NSD1: variants seen among roughly 807,000 people sequenced by gnomAD.
The protein encoded by NSD1 is histone-lysine N-methyltransferase, H3 lysine-36 specific.
Under a neutral mutation model 242.7 loss-of-function variants are expected in NSD1, and 26 were observed. That is an observed-to-expected ratio of 0.11 (90% CI 0.08 to 0.15). NSD1 has a LOEUF of 0.15. NSD1 is among the 10% of genes least tolerant of loss of function. The pLI is 1.00. For synonymous variants in NSD1, 1,106 were observed against 1,178.1 expected (o/e 0.94, Z 1.25); for missense variants, 2,495 against 3,272.8 (o/e 0.76, Z 5.80).
intron 2 of NSD1, among the ~76,000 whole-genome samples, chr5:177,143,783 CTTT>C (rs11300578): frequency 8.3e-4 from 100 of 121,100 alleles, no homozygotes; most frequent in African/African-American, 1.9e-3. Context: ...TACAAGATAA[CTTT>C]TTTTTTTTTT....
intron 5 of NSD1, among the ~76,000 whole-genome samples, chr5:177,224,666 T>C (rs1361474846): frequency 6.6e-6 from 1 of 150,456 alleles, no homozygotes; most frequent in African/African-American, 2.5e-5. Context: ...TTTTCTAATC[T>C]AGTTGCCCTT....
chr5:177,250,506 CTT>C (rs1424791244), intron 11 of NSD1, among the ~76,000 whole-genome samples: 2 of 150,882 alleles, frequency 1.3e-5, no homozygotes, highest in Non-Finnish European at 1.5e-5. Context: ...AATGCAAAAA[CTT>C]TATTTCTAAT....
At chr5:177,213,322 TC>T (rs896923309) in intron 5 of NSD1, among the ~76,000 whole-genome samples, 2 of 152,234 alleles carry the variant, frequency 1.3e-5, no homozygotes, top group African/African-American at 2.4e-5. Flanking sequence ...AGTTATCATA[TC>T]ATAAAATTCA....
intron 5 of NSD1, among the ~76,000 whole-genome samples, chr5:177,218,036 C>T (rs1187533816): frequency 1.3e-5 from 2 of 152,078 alleles, no homozygotes; most frequent in African/African-American, 4.8e-5. Flanking sequence ...CCTTGACCTC[C>T]CAAGTAGCTG....
chr5:177,189,223 G>T (rs1347038003), intron 2 of NSD1, among the ~76,000 whole-genome samples: 1 of 152,108 alleles, frequency 6.6e-6, no homozygotes, highest in African/African-American at 2.4e-5. Context: ...CAATTTTGTG[G>T]CTTAGGAAAC....
At chr5:177,144,337 G>A (rs1416334860) in intron 2 of NSD1, among the ~76,000 whole-genome samples, 1 of 151,480 alleles carries the variant, frequency 6.6e-6, no homozygotes, top group Admixed American at 6.6e-5. Context: ...GCCTTCCAAC[G>A]TATTGGGATT....
At chr5:177,190,105 C>T (rs139544517) in intron 2 of NSD1, among the ~76,000 whole-genome samples, 2 of 151,984 alleles carry the variant, frequency 1.3e-5, no homozygotes, top group Admixed American at 6.6e-5. Flanking sequence ...TACAGGCATG[C>T]ACCACCATGC....
rs758066435 is a variant in NSD1, at chr5:177,252,797, C to CT, written c.4765+960dup. Among the ~76,000 whole-genome samples, 631 of 144,622 alleles carry CT rather than the reference C, an allele frequency of 4.4e-3. 7 individuals are homozygous for CT. The highest frequency in any genetic ancestry group is 0.014 in the African/African-American group (528 of 38,772). The allele number at this position is 144,622 out of a possible 152,430, so 94.9% of individuals were successfully genotyped here. ...AAGTGTTCTCTCGCTCTCTCTCTCC[C>CT]TTTTTTTTTTTTTTTTCTTAGCATG... On this transcript the variant is annotated intron_variant, in intron 12 of 22. Transcript: ENST00000439151.
chr5:177,256,748 A>G (rs1004170101), intron 12 of NSD1, among the ~76,000 whole-genome samples: 4 of 152,154 alleles, frequency 2.6e-5, no homozygotes, highest in Non-Finnish European at 5.9e-5. Flanking sequence ...TCTGTAGACA[A>G]TATGTACTTT....
At chr5:177,245,996 G>A (rs1489124675) in intron 9 of NSD1, among the ~76,000 whole-genome samples, 2 of 147,134 alleles carry the variant, frequency 1.4e-5, no homozygotes, top group Non-Finnish European at 3.0e-5. Flanking sequence ...TTGAGATGGA[G>A]TTTCGCTCTT....
rs1225220481 is a variant in NSD1, at chr5:177,235,926, T to C, written c.3902T>C (p.Val1301Ala). Reference protein sequence around the residue: ...IFAPKKKQKKVQEQVHKVSSR... With the variant: ...IFAPKKKQKKAQEQVHKVSSR... ...GCTCCTAAGAAAAAACAAAAGAAGG[T>C]ACAGGAGCAGGTGCACAAGGTATGT... Residue 1301 changes from valine to alanine, a missense_variant, in exon 6 of 23, where the codon GTA (valine) becomes GCA (alanine). Physicochemically the swap from Val to Ala is moderately conservative, Grantham distance 64. Transcript: ENST00000439151. The C allele has an allele frequency of 2.5e-6, 4 of 1,613,782 alleles. No homozygotes were observed. Among genetic ancestry groups the C allele is most frequent in the Non-Finnish European group, 3.4e-6 (4 of 1,179,872 alleles).
chr5:177,266,310 T>G, intron 14 of NSD1: 1 of 728,450 alleles, frequency 1.4e-6, no homozygotes, highest in South Asian at 1.4e-5. Flanking sequence ...TTGACAATCT[T>G]CACCGCATAA....
rs1760329033 is a variant in NSD1 at position 177,297,572 on chromosome 5, A to G, written c.*2113A>G. On this transcript the variant is annotated 3_prime_UTR_variant, in exon 23 of 23. Coordinates refer to ENST00000439151, the MANE Select transcript of NSD1 (RefSeq NM_022455.5). The stretch of plus-strand genomic sequence containing the variant: ...TCTGTAGTTGTGATCAGAAAAAGGT[A>G]TCTGCACTGCACTGTCAGAGTCTCC... 1 of 215,688 alleles carries G rather than the reference A, an allele frequency of 4.6e-6. No individual in the cohort carries two copies. Among genetic ancestry groups the G allele is most frequent in the Non-Finnish European group, 9.0e-6 (1 of 111,472 alleles). The allele number at this position is 215,688 out of a possible 1,614,324, so 13.4% of individuals were successfully genotyped here.
At chr5:177,273,385 C>G (rs1562284322) in intron 16 of NSD1, among the ~76,000 whole-genome samples, 2 of 147,282 alleles carry the variant, frequency 1.4e-5, no homozygotes, top group Non-Finnish European at 1.5e-5. Context: ...CAAAAAAGTT[C>G]TCGTATTCAG....
chr5:177,206,526 G>GACTTGGGT (rs1190549941), intron 4 of NSD1, among the ~76,000 whole-genome samples: 1 of 152,190 alleles, frequency 6.6e-6, no homozygotes, highest in Non-Finnish European at 1.5e-5. Context: ...AGTTCTCAAA[G>GACTTGGGT]ACTTGGTGTC....
chr5:177,290,124 G>A lies in NSD1; in HGVS notation c.6258+1199G>A, dbSNP rs142995014. On this transcript the variant is annotated intron_variant, in intron 21 of 22. Coordinates refer to ENST00000439151, the MANE Select transcript of NSD1 (RefSeq NM_022455.5). ...ATTACAGGCGTGAGCCACTGTGCCC[G>A]GCCCTTATATTATTATTTTTTAAAG... Among the ~76,000 whole-genome samples, 427 of 150,522 alleles carry A rather than the reference G, an allele frequency of 2.8e-3. 1 individual carries two copies. The highest frequency in any genetic ancestry group is 9.8e-3 in the African/African-American group (400 of 40,808).
At chr5:177,158,277 CTTTCTTTCTTTCTTTCTTTCTTTCT>C (rs756794033) in intron 2 of NSD1, among the ~76,000 whole-genome samples, 126 of 97,158 alleles carry the variant, frequency 1.3e-3, no homozygotes, top group Non-Finnish European at 1.3e-3. Flanking sequence ...TTCTTTCTTT[CTTTCTTTCTTTCTTTCTTTCTTTCT>C]TTTCTTTCTT....
intron 18 of NSD1, among the ~76,000 whole-genome samples, 182 bp downstream of exon 18, chr5:177,281,016 C>T (rs781342125): frequency 6.6e-6 from 1 of 152,118 alleles, no homozygotes; most frequent in Non-Finnish European, 1.5e-5. Context: ...TTTGATCTCC[C>T]AAGTCCTTTG....
In NSD1 at chr5:177,269,485, A is replaced by G; in HGVS notation, c.5304-117A>G. 1 of 887,228 alleles carries G rather than the reference A, an allele frequency of 1.1e-6. No homozygotes were observed. Among genetic ancestry groups the G allele is most frequent in the Non-Finnish European group, 1.8e-6 (1 of 548,364 alleles). The allele number at this position is 887,228 out of a possible 1,614,324, so 55.0% of individuals were successfully genotyped here. A position where few individuals can be genotyped will look rare whatever the true frequency, so the allele number is the denominator to read the frequency against. On this transcript the variant is annotated intron_variant, in intron 15 of 22. Transcript: ENST00000439151. The surrounding 1 kb of genome is among the most constrained non-coding windows in gnomAD (Gnocchi z 5.1). ...AGTTAGGTTGTAAGAATGCCGTAAG[A>G]TGGACTTTAATGTGGACAGACAGAC...
Sources: allele counts gnomAD v4.1 joint callset (sites outside exome capture counted in the v4.1 genomes callset), GRCh38; gene constraint gnomAD v4.1.1; non-coding constraint Gnocchi (gnomAD v3.1); transcripts MANE v1.5; gene names NCBI Gene and HGNC (gene_info 2026-07-23, HGNC 2026-07-21).